Variants in SLC1A3 observed in about 807,000 individuals in gnomAD.
SLC1A3 encodes the protein excitatory amino acid transporter 1.
Under a neutral mutation model 48.1 loss-of-function variants are expected in SLC1A3, and 21 were observed. The observed-to-expected ratio is 0.44, with a 90% CI of 0.31 to 0.63. The LOEUF is 0.63. Among genes scored for constraint, SLC1A3 ranks in the 20% least tolerant of loss-of-function variants. The pLI, the probability that SLC1A3 is intolerant of heterozygous loss-of-function variation, is 0.08. For missense variants in SLC1A3, 546 were observed against 689.0 expected (o/e 0.79, Z 2.32); for synonymous variants, 239 against 251.4 (o/e 0.95, Z 0.47).
intron 2 of SLC1A3, 23 bp from the exon 3 acceptor site, chr5:36,629,427 C>A: frequency 6.9e-7 from 1 of 1,456,530 alleles, no homozygotes; most frequent in Non-Finnish European, 9.5e-7. Context: ...TTTTCTTTTT[C>A]TTTTTTTTTT....
chr5:36,598,359 T>A (rs1167406413), intron 1 of SLC1A3, among the ~76,000 whole-genome samples: 1 of 152,246 alleles, frequency 6.6e-6, no homozygotes, highest in East Asian at 1.9e-4. Context: ...AAAGACTTAA[T>A]AAGTGGTGGC....
intron 2 of SLC1A3, among the ~76,000 whole-genome samples, chr5:36,622,868 C>G (rs1230119093): frequency 6.6e-6 from 1 of 151,610 alleles, no homozygotes; most frequent in East Asian, 1.9e-4. Flanking sequence ...AAAAATTAGC[C>G]GGGTGTGGTG....
intron 2 of SLC1A3, among the ~76,000 whole-genome samples, chr5:36,622,308 T>C (rs766441996): frequency 6.6e-6 from 1 of 152,208 alleles, no homozygotes; most frequent in African/African-American, 2.4e-5. Context: ...CTGAGCTCCT[T>C]TGGGGCACTA....
At chr5:36,648,461 T>C (rs146433708) in intron 3 of SLC1A3, among the ~76,000 whole-genome samples, 10 of 152,334 alleles carry the variant, frequency 6.6e-5, no homozygotes, top group Non-Finnish European at 1.2e-4. Flanking sequence ...ATGCATTCTG[T>C]CCCACGTTTC....
intron 8 of SLC1A3, among the ~76,000 whole-genome samples, chr5:36,682,224 G>T (rs1190543936): frequency 6.6e-6 from 1 of 152,064 alleles, no homozygotes; most frequent in Admixed American, 6.6e-5. Context: ...GCCTACATTT[G>T]GTGTCTTAGT....
At chr5:36,650,080 C>T (rs1183667881) in intron 3 of SLC1A3, among the ~76,000 whole-genome samples, 1 of 152,188 alleles carries the variant, frequency 6.6e-6, no homozygotes, top group Non-Finnish European at 1.5e-5. Flanking sequence ...GAATATCAGT[C>T]TACCTTACTG....
In SLC1A3 at chr5:36,650,542, A is replaced by G. The variant is rs534550418; in HGVS notation, c.320-20487A>G. Among the ~76,000 whole-genome samples, 48 of 152,012 alleles carry G rather than the reference A, an allele frequency of 3.2e-4. 1 individual carries two copies. In the South Asian group the frequency reaches 9.0e-3, roughly 28 times the overall value. Reference sequence around the variant, plus strand: ...AGCTTTATCTCTGTCTTCCTTTCCCACCCTTCTTATTTGTAATTTGTTTGT... The same window carrying G: ...AGCTTTATCTCTGTCTTCCTTTCCCGCCCTTCTTATTTGTAATTTGTTTGT... On this transcript the variant is annotated intron_variant, in intron 3 of 9. Coordinates refer to ENST00000265113, the MANE Select transcript of SLC1A3 (RefSeq NM_004172.5).
intron 1 of SLC1A3, among the ~76,000 whole-genome samples, chr5:36,601,156 T>G (rs749042357): frequency 3.9e-5 from 6 of 152,252 alleles, no homozygotes; most frequent in Non-Finnish European, 7.3e-5. Flanking sequence ...ACAAAAGATG[T>G]GTATCTGTCT....
upstream of SLC1A3, among the ~76,000 whole-genome samples, chr5:36,604,339 G>GA (rs5867330): frequency 2.2e-3 from 324 of 150,394 alleles, 4 homozygotes; most frequent in African/African-American, 6.6e-3. Context: ...TTTCTAGAAG[G>GA]AAAAAAAAAG....
At chr5:36,613,065 A>G in intron 2 of SLC1A3, 3 of 334,952 alleles carry the variant, frequency 9.0e-6, no homozygotes, top group South Asian at 6.9e-5. Flanking sequence ...GGTAGGATAC[A>G]GGAGAAAGAC....
intron 2 of SLC1A3, among the ~76,000 whole-genome samples, chr5:36,616,652 G>A (rs1442421543): frequency 2.0e-5 from 3 of 152,136 alleles, no homozygotes; most frequent in East Asian, 3.9e-4. Context: ...GATGAGGCTC[G>A]TTTATCCCTA....
chr5:36,659,236 T>G (rs978589015), intron 3 of SLC1A3, among the ~76,000 whole-genome samples: 1 of 152,192 alleles, frequency 6.6e-6, no homozygotes, highest in Non-Finnish European at 1.5e-5. Context: ...AGTGAGGGAC[T>G]TAACCTCCCT....
chr5:36,608,773 T>C, intron 2 of SLC1A3, 169 bp downstream of exon 2: 1 of 1,441,598 alleles, frequency 6.9e-7, no homozygotes, highest in South Asian at 1.5e-5. Context: ...TTGGCTTGTT[T>C]GGAGCAATAT....
At chr5:36,650,401 TTTTC>T (rs1193780877) in intron 3 of SLC1A3, among the ~76,000 whole-genome samples, 1 of 152,258 alleles carries the variant, frequency 6.6e-6, no homozygotes, top group Admixed American at 6.5e-5. Context: ...TCCCCATTTC[TTTTC>T]TTTCTCTTTT....
chr5:36,668,712 C>G (rs1322739942), intron 3 of SLC1A3: 2 of 152,106 alleles, frequency 1.3e-5, no homozygotes, highest in Non-Finnish European at 2.9e-5. Flanking sequence ...TTGTCTTCAG[C>G]TATTTAGAAT....
At position 36,680,403 on chromosome 5, in the gene SLC1A3, C is replaced by T; in HGVS notation, c.1103C>T (p.Thr368Ile). ...TATTTCACTGTTCTCAGTTCTGCCA[C>T]CCTACCCATCACCTTCAAGTGCCTG... ...TALGTSSSSA[T>I]LPITFKCLEE... The change falls in exon 8 of 10, where the codon ACC becomes ATC. Residue 368 changes from threonine (T) to isoleucine (I), a missense_variant. Thr to Ile is a moderately conservative substitution (Grantham distance 89). This residue lies in a region of SLC1A3 where 142 missense variants were observed against 238.0 expected (regional missense o/e 0.60). Coordinates refer to ENST00000265113, the MANE Select transcript of SLC1A3 (RefSeq NM_004172.5). 2 of 1,614,098 alleles carry T rather than the reference C, an allele frequency of 1.2e-6. 1 individual carries two copies. Among genetic ancestry groups the T allele is most frequent in the South Asian group, 2.2e-5 (2 of 91,076 alleles).
chr5:36,625,065 G>A (rs1167529770), intron 2 of SLC1A3, among the ~76,000 whole-genome samples: 2 of 152,230 alleles, frequency 1.3e-5, no homozygotes, highest in African/African-American at 4.8e-5. Flanking sequence ...AACGGAAAGA[G>A]CACTGGGCTT....
intron 2 of SLC1A3, among the ~76,000 whole-genome samples, chr5:36,619,087 C>T (rs528065130): frequency 1.2e-4 from 19 of 152,276 alleles, no homozygotes; most frequent in African/African-American, 3.4e-4. Flanking sequence ...TTTGGGCACC[C>T]CTGGTGGAAC....
At chr5:36,683,341 A>G (rs533936117) in intron 8 of SLC1A3, among the ~76,000 whole-genome samples, 2 of 152,352 alleles carry the variant, frequency 1.3e-5, no homozygotes, top group East Asian at 1.9e-4. Flanking sequence ...CATGCTTAGT[A>G]TATCAGAAGA....
Sources: gnomAD v4.1 joint callset for allele counts (sites outside exome capture counted in the v4.1 genomes callset) on GRCh38, gnomAD v4.1.1 for gene constraint, gnomAD v4.1.1 regional missense constraint, MANE v1.5 for transcripts, NCBI Gene and HGNC (gene_info 2026-07-23, HGNC 2026-07-21) for gene names.